The following UBAP2L variants were observed in gnomAD, a reference collection of about 807,000 sequenced individuals.
UBAP2L encodes the protein ubiquitin associated protein 2 like.
In UBAP2L, 12 loss-of-function variants were observed where a neutral mutation model predicts 130.6. The observed-to-expected ratio is 0.09, with a 90% CI of 0.06 to 0.15. UBAP2L has a LOEUF of 0.15. Among genes scored for constraint, UBAP2L ranks in the 10% least tolerant of loss-of-function variants. The pLI, the probability that UBAP2L is intolerant of heterozygous loss-of-function variation, is 1.00. For missense variants in UBAP2L, 965 were observed against 1,332.5 expected, an observed-to-expected ratio of 0.72 and a Z score of 4.29; for synonymous variants, 503 against 524.7, an observed-to-expected ratio of 0.96 and a Z score of 0.57.
downstream of UBAP2L, chr1:154,271,002 C>G: frequency 6.7e-7 from 1 of 1,492,628 alleles, no homozygotes; most frequent in Non-Finnish European, 9.1e-7. Flanking sequence ...TTAAGAACTC[C>G]TGACCTTAAT....
chr1:154,259,181 G>T (rs1680659195), intron 21 of UBAP2L, 151 bp downstream of exon 21: 1 of 681,444 alleles, frequency 1.5e-6, no homozygotes, highest in East Asian at 2.8e-5. Flanking sequence ...TTGGGGGAGG[G>T]TTTCCAACAG....
rs145504449 is a variant in UBAP2L, at chr1:154,254,074, C to T, written c.1839C>T (p.Asp613=). The change falls in exon 15 of 27, where the codon GAC becomes GAT. Residue 613 remains aspartate, a synonymous_variant. Transcript: ENST00000428931. ...PSSISSSPQK[D]LTQAKNGFSS... ...CCATCTCTTCATCACCCCAAAAGGA[C>T]CTGACTCAGGCAAAGGTAGTGGCTT... 1 of 1,566,810 alleles carries T rather than the reference C, an allele frequency of 6.4e-7. No homozygotes were observed. Among genetic ancestry groups the T allele is most frequent in the African/African-American group, 1.4e-5 (1 of 72,140 alleles).
intron 4 of UBAP2L, among the ~76,000 whole-genome samples, chr1:154,233,570 G>T (rs982644603): frequency 6.8e-6 from 1 of 146,084 alleles, no homozygotes; most frequent in Non-Finnish European, 1.5e-5. Context: ...TGATCTGCCC[G>T]CCTTGGCCTC....
At chr1:154,234,878 G>T in intron 5 of UBAP2L, 119 bp downstream of exon 5, 1 of 1,403,860 alleles carries the variant, frequency 7.1e-7, no homozygotes, top group East Asian at 2.5e-5. Flanking sequence ...TGCTTTTCTT[G>T]CCGTCGTCTG....
chr1:154,270,141 A>G, intron 26 of UBAP2L, 59 bp from the exon 27 acceptor site: 3 of 1,518,656 alleles, frequency 2.0e-6, no homozygotes, highest in Non-Finnish European at 2.6e-6. Context: ...AGATGTTACA[A>G]ATTTGTACCA....
At chr1:154,250,170 C>T (rs1677043048) in intron 12 of UBAP2L, among the ~76,000 whole-genome samples, 1 of 152,128 alleles carries the variant, frequency 6.6e-6, no homozygotes, top group African/African-American at 2.4e-5. Flanking sequence ...GCAGTCCTCC[C>T]ACCTGAGCCT....
At chr1:154,238,358 G>C (rs1282002632) in intron 8 of UBAP2L, among the ~76,000 whole-genome samples, 2 of 152,170 alleles carry the variant, frequency 1.3e-5, no homozygotes, top group African/African-American at 4.8e-5. Flanking sequence ...TTCATCTCTT[G>C]ATGGCTTTGT....
chr1:154,253,131 G>A (rs1164081887), intron 14 of UBAP2L, among the ~76,000 whole-genome samples: 5 of 152,028 alleles, frequency 3.3e-5, no homozygotes, highest in Non-Finnish European at 7.3e-5. Context: ...AGCCTCCTGA[G>A]TAGCTGGGAT....
In UBAP2L at chr1:154,231,681, A is replaced by G. The variant is rs1009073744; in HGVS notation, c.280-2910A>G. ...ATGTAATATTTGACCTTGTATGTCT[A>G]ACTTACTTCACTTAGTGTAATGTTT... On this transcript the variant is annotated intron_variant, in intron 4 of 26. Coordinates refer to ENST00000428931, the MANE Select transcript of UBAP2L (RefSeq NM_014847.4). 1.1e-4 allele frequency among the ~76,000 whole-genome samples: 16 copies of G among 152,278 alleles called. 1 individual carries two copies. The highest frequency in any genetic ancestry group is 2.9e-4 in the African/African-American group (12 of 41,558).
chr1:154,270,273 G>A lies in UBAP2L; in HGVS notation c.3242G>A (p.Ser1081Asn). Reference protein sequence around the residue: ...KPQTNKSAYNSYSWGAN With the variant: ...KPQTNKSAYNNYSWGAN ...CAGACCAACAAGTCTGCCTACAACA[G>A]CTACAGCTGGGGGGCCAACTGAGGC... Residue 1081 changes from serine (S) to asparagine (N), a missense_variant, in exon 27 of 27, where the codon AGC (serine) becomes AAC (asparagine). Physicochemically the swap from Ser to Asn is conservative, Grantham distance 46. Around this residue, in one of 9 missense-constraint regions of UBAP2L, gnomAD observed 194 missense variants for 334.0 expected, o/e 0.58. Coordinates refer to ENST00000428931, the MANE Select transcript of UBAP2L (RefSeq NM_014847.4). 6.2e-7 allele frequency: 1 copy of A among 1,613,948 alleles called. No individual in the cohort carries two copies. Among genetic ancestry groups the A allele is most frequent in the East Asian group, 2.2e-5 (1 of 44,884 alleles).
Position 154,224,827 on chromosome 1 carries a change from A to G in UBAP2L, c.-40-257A>G, listed in dbSNP as rs570757412. Among the ~76,000 whole-genome samples, 3 of 152,368 alleles carry G rather than the reference A, an allele frequency of 2.0e-5. 1 individual carries two copies. In the South Asian group the frequency reaches 6.2e-4, roughly 32 times the overall value. The stretch of plus-strand genomic sequence containing the variant: ...ATGTAAAGTCTGCTTATGGGGGACT[A>G]GTAACCAAACTGCTGTAACTTCTTA... On this transcript the variant is annotated intron_variant, in intron 1 of 26. Transcript: ENST00000428931.
chr1:154,247,739 T>A (rs886928071), intron 11 of UBAP2L, among the ~76,000 whole-genome samples: 5 of 134,328 alleles, frequency 3.7e-5, no homozygotes, highest in Admixed American at 2.1e-4. Context: ...TAAAAAAAAA[T>A]TTTTTTTAAA....
At chr1:154,232,225 G>C (rs1670063316) in intron 4 of UBAP2L, among the ~76,000 whole-genome samples, 1 of 151,928 alleles carries the variant, frequency 6.6e-6, no homozygotes, top group African/African-American at 2.4e-5. Context: ...TTGGGAGGCT[G>C]AGGCAGGAGA....
rs752379581 is a variant in UBAP2L, at chr1:154,251,327, A to G, written c.1491+9A>G. 15 of 1,604,806 alleles carry G rather than the reference A, an allele frequency of 9.3e-6. No homozygotes were observed. The African/African-American group carries it at 2.0e-4, about 22-fold the overall frequency. On this transcript the variant is annotated intron_variant, in intron 13 of 26. Transcript: ENST00000428931. ...CCTCCTTGACTTCTAAGGTACTTAA[A>G]CTTTTAGGTAGATACCATTTTATGG...
At chr1:154,222,584 G>C (rs963152670) in intron 1 of UBAP2L, among the ~76,000 whole-genome samples, 1 of 152,178 alleles carries the variant, frequency 6.6e-6, no homozygotes, top group African/African-American at 2.4e-5. Context: ...TTACTAACTA[G>C]ATATCAAGGT....
At chr1:154,228,853 T>C (rs1668844177) in intron 4 of UBAP2L, 128 bp downstream of exon 4, 1 of 578,976 alleles carries the variant, frequency 1.7e-6, no homozygotes, top group African/African-American at 1.9e-5. Context: ...TTGGGAACTT[T>C]CTTGGAGATT....
At chr1:154,230,790 G>C (rs906988477) in intron 4 of UBAP2L, among the ~76,000 whole-genome samples, 8 of 152,196 alleles carry the variant, frequency 5.3e-5, no homozygotes, top group African/African-American at 9.7e-5. Flanking sequence ...CAGGGATATT[G>C]GATGTATTTG....
At chr1:154,263,221 A>T in intron 24 of UBAP2L, 2 of 1,548,076 alleles carry the variant, frequency 1.3e-6, no homozygotes, top group Non-Finnish European at 1.7e-6. Context: ...TGTTTCAGAA[A>T]CCAGACCACT....
At chr1:154,247,532 T>G (rs1675924317) in intron 11 of UBAP2L, among the ~76,000 whole-genome samples, 1 of 152,202 alleles carries the variant, frequency 6.6e-6, no homozygotes, top group Non-Finnish European at 1.5e-5. Flanking sequence ...TGTCTGGAAT[T>G]GTGAAAATTT....
Sources: allele counts gnomAD v4.1 joint callset (sites outside exome capture counted in the v4.1 genomes callset), GRCh38; gene constraint gnomAD v4.1.1; regional missense constraint gnomAD v4.1.1; transcripts MANE v1.5; gene names NCBI Gene and HGNC (gene_info 2026-07-23, HGNC 2026-07-21).